Variants in FAM168A observed in about 807,000 individuals in gnomAD.
FAM168A encodes the protein family with sequence similarity 168 member A, also known as protein FAM168A.
A neutral mutation model predicts 28.5 loss-of-function variants in FAM168A; 3 were observed. The ratio of observed to expected loss-of-function variants is 0.11; its 90% confidence interval spans 0.05 to 0.27. The LOEUF is 0.27. FAM168A is among the 10% of genes least tolerant of loss of function. The pLI, the probability that FAM168A is intolerant of heterozygous loss-of-function variation, is 1.00. For missense variants in FAM168A, 222 were observed against 311.5 expected, an observed-to-expected ratio of 0.71 and a Z score of 2.16; for synonymous variants, 122 against 124.2, an observed-to-expected ratio of 0.98 and a Z score of 0.12.
At chr11:73,421,817 T>C (rs1253085165) in intron 3 of FAM168A, among the ~76,000 whole-genome samples, 6 of 152,120 alleles carry the variant, frequency 3.9e-5, no homozygotes, top group Non-Finnish European at 8.8e-5. Flanking sequence ...AGGAATGCCA[T>C]TAGGGGGCAG....
intron 3 of FAM168A, among the ~76,000 whole-genome samples, chr11:73,427,975 C>A (rs547128896): frequency 2.6e-5 from 4 of 152,150 alleles, no homozygotes; most frequent in African/African-American, 9.7e-5. Context: ...GGTTAAGAAC[C>A]CTCCTTGATC....
chr11:73,465,084 TA>T (rs1309229566), intron 2 of FAM168A, among the ~76,000 whole-genome samples: 3 of 151,698 alleles, frequency 2.0e-5, no homozygotes, highest in South Asian at 4.2e-4. Context: ...AGAAGCTTTA[TA>T]AACATTTTCA....
chr11:73,582,291 G>A (rs961307874), intron 1 of FAM168A, among the ~76,000 whole-genome samples: 10 of 151,674 alleles, frequency 6.6e-5, no homozygotes, highest in Non-Finnish European at 1.3e-4. Flanking sequence ...GGAGGCCAAG[G>A]TGGGTGGATC....
intron 1 of FAM168A, among the ~76,000 whole-genome samples, chr11:73,565,710 A>C (rs1162229093): frequency 2.0e-5 from 3 of 152,232 alleles, no homozygotes; most frequent in Admixed American, 6.5e-5. Flanking sequence ...TAAAGAGCAG[A>C]ATCCTCAACA....
intron 1 of FAM168A, among the ~76,000 whole-genome samples, chr11:73,583,756 A>G (rs117447559): frequency 0.014 from 2,127 of 152,372 alleles, 27 homozygotes; most frequent in Non-Finnish European, 0.021. Context: ...ACATAGTACA[A>G]TGCAAACTTC....
intron 2 of FAM168A, among the ~76,000 whole-genome samples, chr11:73,460,869 TG>T (rs1029672771): frequency 1.3e-5 from 2 of 152,068 alleles, no homozygotes; most frequent in African/African-American, 4.8e-5. Flanking sequence ...CTCAGAGAGG[TG>T]GGAAATGACC....
Position 73,503,675 on chromosome 11 carries a change from A to C in FAM168A, c.-18-35183T>G, listed in dbSNP as rs963498111. ...TTTAAATTTCATATGGAATCAAAGA[A>C]GACCCTGGATAGCCAAGACAATCCT... is the stretch of plus-strand genomic sequence containing the variant. On this transcript the variant is annotated intron_variant, in intron 1 of 7. Coordinates refer to ENST00000356467, the MANE Select transcript of FAM168A (RefSeq NM_015159.3). 5.9e-5 allele frequency among the ~76,000 whole-genome samples: 9 copies of C among 152,236 alleles called. No individual in the cohort carries two copies. The East Asian group carries it at 7.7e-4, about 13-fold the overall frequency.
intron 2 of FAM168A, among the ~76,000 whole-genome samples, chr11:73,461,645 TG>T (rs1331347547): frequency 6.6e-6 from 1 of 152,222 alleles, no homozygotes; most frequent in African/African-American, 2.4e-5. Flanking sequence ...CTAAGAAGTT[TG>T]GACTTTATCC....
intron 1 of FAM168A, among the ~76,000 whole-genome samples, chr11:73,580,721 G>C (rs1944232566): frequency 6.6e-6 from 1 of 152,196 alleles, no homozygotes; most frequent in South Asian, 2.1e-4. Context: ...GGATTGATGT[G>C]GGGAAAACAC....
chr11:73,566,359 A>G (rs1944019987), intron 1 of FAM168A, among the ~76,000 whole-genome samples: 1 of 152,226 alleles, frequency 6.6e-6, no homozygotes, highest in South Asian at 2.1e-4. Context: ...CCAAATGTAA[A>G]GCAAACTTCT....
chr11:73,517,097 A>C (rs1481383884), intron 1 of FAM168A, among the ~76,000 whole-genome samples: 1 of 152,192 alleles, frequency 6.6e-6, no homozygotes. Flanking sequence ...CTGATTCTAC[A>C]TACTTGCAGT....
At chr11:73,438,549 T>C (rs1867134742) in intron 2 of FAM168A, among the ~76,000 whole-genome samples, 1 of 151,900 alleles carries the variant, frequency 6.6e-6, no homozygotes, top group Non-Finnish European at 1.5e-5. Context: ...GAAATAAAGA[T>C]AAAAAGGTAG....
At chr11:73,478,291 A>G (rs1443417547) in intron 1 of FAM168A, among the ~76,000 whole-genome samples, 1 of 152,236 alleles carries the variant, frequency 6.6e-6, no homozygotes, top group Non-Finnish European at 1.5e-5. Context: ...AATAAAAAGG[A>G]ACAAACTACT....
chr11:73,553,352 G>A (rs1243040702), intron 1 of FAM168A, among the ~76,000 whole-genome samples: 4 of 152,070 alleles, frequency 2.6e-5, no homozygotes, highest in Non-Finnish European at 5.9e-5. Context: ...ATGATGGAAG[G>A]GTGAAGAAAG....
At chr11:73,502,045 G>A (rs986086313) in intron 1 of FAM168A, among the ~76,000 whole-genome samples, 3 of 149,890 alleles carry the variant, frequency 2.0e-5, no homozygotes, top group African/African-American at 7.4e-5. Flanking sequence ...AGCTTGCAGT[G>A]AGCTGAGATT....
chr11:73,441,389 T>C (rs567306556), intron 2 of FAM168A, among the ~76,000 whole-genome samples: 1 of 152,320 alleles, frequency 6.6e-6, no homozygotes, highest in South Asian at 2.1e-4. Context: ...AGTGTAACAA[T>C]ATCAGGTGTT....
At chr11:73,441,530 CATA>C (rs1227338597) in intron 2 of FAM168A, among the ~76,000 whole-genome samples, 1 of 152,208 alleles carries the variant, frequency 6.6e-6, no homozygotes, top group Non-Finnish European at 1.5e-5. Context: ...ATGTTGGCCT[CATA>C]GAACGAGTTA....
intron 1 of FAM168A, among the ~76,000 whole-genome samples, chr11:73,561,110 C>T (rs1943953664): frequency 6.6e-6 from 1 of 150,676 alleles, no homozygotes; most frequent in Non-Finnish European, 1.5e-5. Flanking sequence ...GGCGGTGGCT[C>T]ATGCCTGTAA....
chr11:73,532,863 T>C (rs546814469), intron 1 of FAM168A, among the ~76,000 whole-genome samples: 1 of 152,364 alleles, frequency 6.6e-6, no homozygotes, highest in Non-Finnish European at 1.5e-5. Flanking sequence ...TGCCTTATTT[T>C]TTCAGGTGAA....
Sources: gnomAD v4.1 joint callset for allele counts (sites outside exome capture counted in the v4.1 genomes callset) on GRCh38, gnomAD v4.1.1 for gene constraint, MANE v1.5 for transcripts, NCBI Gene and HGNC (gene_info 2026-07-23, HGNC 2026-07-21) for gene names.